NCF2: variants seen among roughly 807,000 people sequenced by gnomAD.
The protein encoded by NCF2 is neutrophil cytosolic factor 2.
Under a neutral mutation model 70.9 loss-of-function variants are expected in NCF2, and 45 were observed. The observed-to-expected ratio is 0.63, with a 90% CI of 0.50 to 0.81. The LOEUF (loss-of-function observed/expected upper bound fraction) is 0.81. Among genes scored for constraint, NCF2 ranks in the 40% least tolerant of loss-of-function variants. NCF2 has a pLI of 0.00. For missense variants in NCF2, 522 were observed against 631.6 expected, an observed-to-expected ratio of 0.83 and a Z score of 1.86; for synonymous variants, 203 against 233.6, an observed-to-expected ratio of 0.87 and a Z score of 1.19.
At position 183,567,395 on chromosome 1, in the gene NCF2, A is replaced by G. The variant is rs770127634; in HGVS notation, c.714-50T>C. On this transcript the variant is annotated intron_variant, in intron 7 of 14. Transcript: ENST00000367535. ...AGCCCCCATCCCCTCACATGATGCCATGGCGCAAATACACTGAACTTGGAG... is the reference window on the plus strand; with the variant it reads ...AGCCCCCATCCCCTCACATGATGCCGTGGCGCAAATACACTGAACTTGGAG... 1.1e-5 allele frequency: 18 copies of G among 1,610,856 alleles called. No individual in the cohort carries two copies. The Admixed American group carries it at 2.7e-4, about 24-fold the overall frequency.
At chr1:183,579,637 G>T (rs914071542) in intron 2 of NCF2, among the ~76,000 whole-genome samples, 1 of 150,612 alleles carries the variant, frequency 6.6e-6, no homozygotes, top group African/African-American at 2.4e-5. Flanking sequence ...TACTCAGGAG[G>T]CTGAGGCAGG....
intron 2 of NCF2, among the ~76,000 whole-genome samples, chr1:183,581,757 C>T (rs2102922306): frequency 6.6e-6 from 1 of 152,108 alleles, no homozygotes; most frequent in East Asian, 1.9e-4. Context: ...GAAGCTCCGC[C>T]TCCCGGTTCA....
At chr1:183,595,797 G>C (rs1673754000), upstream of NCF2, among the ~76,000 whole-genome samples, 2 of 152,092 alleles carry the variant, frequency 1.3e-5, no homozygotes. Context: ...CAACTGCTTA[G>C]GGATGTTAAT....
rs1671770625 is a variant in NCF2, at chr1:183,556,202, G to GCACTC, written c.1492_1496dup (p.Cys499TrpfsTer39). 6.2e-7 allele frequency: 1 copy of GCACTC among 1,613,980 alleles called. No individual in the cohort carries two copies. Among genetic ancestry groups the GCACTC allele is most frequent in the African/African-American group, 1.3e-5 (1 of 74,892 alleles). On this transcript the variant is annotated frameshift_variant, in exon 15 of 15. Transcript: ENST00000367535. LOFTEE classifies it high-confidence loss of function. ...TGGGGAAAATGCCCACCTTCCCTTT[G>GCACTC]CACTCCCCTTCCAGCCATTCTTCAT...
chr1:183,570,927 T>C (rs1357939281), intron 5 of NCF2, 88 bp from the exon 6 acceptor site: 3 of 1,310,848 alleles, frequency 2.3e-6, no homozygotes, highest in African/African-American at 1.5e-5. Flanking sequence ...CCTAGACCTG[T>C]TCTTACGTGA....
At chr1:183,577,855 C>T in intron 2 of NCF2, 148 bp from the exon 3 acceptor site, 1 of 689,524 alleles carries the variant, frequency 1.5e-6, no homozygotes. Context: ...TTTTCAGCAA[C>T]CCTGAGTCCA....
At chr1:183,598,805 A>G in the NCF2 span, among the ~76,000 whole-genome samples, 12 of 152,296 alleles carry the variant, frequency 7.9e-5, no homozygotes, top group Admixed American at 2.0e-4. Flanking sequence ...AAAGAAATTC[A>G]TTTTATCAAA....
At chr1:183,586,129 G>C (rs1021520472) in intron 2 of NCF2, among the ~76,000 whole-genome samples, 1 of 152,238 alleles carries the variant, frequency 6.6e-6, no homozygotes, top group Admixed American at 6.5e-5. Flanking sequence ...GAGGTCGGGA[G>C]TTCAAGACCA....
At chr1:183,561,300 G>T (rs762215620) in intron 13 of NCF2, among the ~76,000 whole-genome samples, 27 of 152,134 alleles carry the variant, frequency 1.8e-4, no homozygotes, top group Non-Finnish European at 3.4e-4. Context: ...TTTGTTGAAC[G>T]TTGGTATATT....
At chr1:183,570,447 C>T (rs1672493251) in intron 6 of NCF2, among the ~76,000 whole-genome samples, 1 of 152,260 alleles carries the variant, frequency 6.6e-6, no homozygotes, top group Admixed American at 6.5e-5. Flanking sequence ...GTTAATAAGC[C>T]TTCCATAGCT....
At position 183,574,605 on chromosome 1, in the gene NCF2, G is replaced by A. The variant is rs119103274; in HGVS notation, c.383C>T (p.Ala128Val). Residue 128 changes from alanine to valine, a missense_variant, in exon 4 of 15, where the codon GCT (alanine) becomes GTT (valine). Ala to Val is a moderately conservative substitution (Grantham distance 64). Coordinates refer to ENST00000367535, the MANE Select transcript of NCF2 (RefSeq NM_000433.4). Reference protein sequence around the residue: ...LFACEVLYNIAFMYAKKEEWK... With the variant: ...LFACEVLYNIVFMYAKKEEWK... ...TTCCTCCTTCTTGGCATACATGAAAGCAATGTTATATAACACCTAGAAAAG... is the reference window on the plus strand; with the variant it reads ...TTCCTCCTTCTTGGCATACATGAAAACAATGTTATATAACACCTAGAAAAG... 4 of 1,614,024 alleles carry A rather than the reference G, an allele frequency of 2.5e-6. No individual in the cohort carries two copies. The South Asian group carries it at 3.3e-5, about 13-fold the overall frequency.
At chr1:183,561,732 C>T (rs1056095937) in intron 13 of NCF2, among the ~76,000 whole-genome samples, 22 of 143,994 alleles carry the variant, frequency 1.5e-4, no homozygotes, top group Admixed American at 4.9e-4. Context: ...TGGCCCATCT[C>T]GGCCTCCCAA....
chr1:183,598,896 G>A, the NCF2 span, among the ~76,000 whole-genome samples: 1 of 152,246 alleles, frequency 6.6e-6, no homozygotes, highest in South Asian at 2.1e-4. Flanking sequence ...GATTCAGGAA[G>A]CCAGGATGTA....
intron 2 of NCF2, among the ~76,000 whole-genome samples, chr1:183,578,355 C>CTT (rs10689990): frequency 0.012 from 1,722 of 149,164 alleles, 33 homozygotes; most frequent in African/African-American, 0.041. Context: ...GTATTTCCTC[C>CTT]TTTTTTTTTT....
intron 14 of NCF2, 75 bp from the exon 15 acceptor site, chr1:183,556,305 G>T: frequency 1.5e-6 from 2 of 1,349,360 alleles, no homozygotes; most frequent in Non-Finnish European, 2.1e-6. Context: ...ATTCCACACA[G>T]AATTTGTTAT....
intron 14 of NCF2, 136 bp from the exon 15 acceptor site, chr1:183,556,366 T>C (rs1254494440): frequency 2.6e-6 from 2 of 776,006 alleles, no homozygotes; most frequent in Non-Finnish European, 4.5e-6. Flanking sequence ...AAGACAGTAT[T>C]GCAAAGTGGT....
In NCF2 at chr1:183,560,127, C is replaced by G. The variant is rs1451425447; in HGVS notation, c.1437G>C (p.Gln479His). 2 of 1,614,130 alleles carry G rather than the reference C, an allele frequency of 1.2e-6. No homozygotes were observed. Among genetic ancestry groups the G allele is most frequent in the Admixed American group, 1.7e-5 (1 of 60,028 alleles). ...EATQPEDLEF[Q>H]EGDIILVLSK... Reference sequence around the variant, plus strand: ...ATAACACCAGGATTATATCCCCTTCCTGAAACTCCAGGTCCTCTGGTTGGG... The same window carrying G: ...ATAACACCAGGATTATATCCCCTTCGTGAAACTCCAGGTCCTCTGGTTGGG... The change falls in exon 14 of 15, where the codon CAG becomes CAC. Residue 479 changes from glutamine to histidine, a missense_variant. Gln to His is a conservative substitution (Grantham distance 24). Transcript: ENST00000367535.
chr1:183,579,628 A>G (rs1291289044), intron 2 of NCF2, among the ~76,000 whole-genome samples: 2 of 151,022 alleles, frequency 1.3e-5, no homozygotes, highest in African/African-American at 4.9e-5. Context: ...AGTCCCAGCT[A>G]CTCAGGAGGC....
At chr1:183,598,463 G>A in the NCF2 span, among the ~76,000 whole-genome samples, 1 of 152,136 alleles carries the variant, frequency 6.6e-6, no homozygotes, top group Non-Finnish European at 1.5e-5. Flanking sequence ...CTCTGAGGAG[G>A]CCAGACATGC....
Sources: gnomAD v4.1 joint callset for allele counts (sites outside exome capture counted in the v4.1 genomes callset) on GRCh38, gnomAD v4.1.1 for gene constraint, MANE v1.5 for transcripts, NCBI Gene and HGNC (gene_info 2026-07-23, HGNC 2026-07-21) for gene names.